AHRR: variants seen among roughly 807,000 people sequenced by gnomAD.
The protein encoded by AHRR is aryl hydrocarbon receptor repressor, also known as ahR repressor.
A neutral mutation model predicts 44.0 loss-of-function variants in AHRR; 28 were observed. The observed-to-expected ratio is 0.64, with a 90% confidence interval of 0.47 to 0.87. AHRR has a LOEUF of 0.87. Ranked by LOEUF, AHRR falls within the 40% of genes least tolerant of loss-of-function variation. AHRR has a pLI of 0.00. For missense variants in AHRR, 990 were observed against 953.9 expected, an observed-to-expected ratio of 1.04 and a Z score of -0.50; for synonymous variants, 434 against 407.0, an observed-to-expected ratio of 1.07 and a Z score of -0.80.
intron 5 of AHRR, 102 bp downstream of exon 5, chr5:413,535 C>A: frequency 1.1e-6 from 1 of 872,004 alleles, no homozygotes; most frequent in Non-Finnish European, 1.8e-6. Flanking sequence ...TAAAATCAGG[C>A]TTTTCCTATC....
intron 3 of AHRR, among the ~76,000 whole-genome samples, chr5:365,174 G>T (rs993549664): frequency 6.6e-6 from 1 of 151,910 alleles, no homozygotes; most frequent in Non-Finnish European, 1.5e-5. Context: ...ACATAAAGCA[G>T]TATACCCCCA....
At chr5:402,535 T>C (rs1007805373) in intron 4 of AHRR, among the ~76,000 whole-genome samples, 8 of 151,844 alleles carry the variant, frequency 5.3e-5, no homozygotes, top group Non-Finnish European at 1.2e-4. Flanking sequence ...GATGAGGGTG[T>C]GGAGAGAAGG....
At chr5:402,453 G>A (rs560990909) in intron 4 of AHRR, among the ~76,000 whole-genome samples, 23 of 124,192 alleles carry the variant, frequency 1.9e-4, no homozygotes, top group African/African-American at 6.8e-4. Flanking sequence ...CACTGTTGGC[G>A]GGAAGGCAGT....
In AHRR at chr5:419,456, T is replaced by C. The variant is rs965752065; in HGVS notation, c.442-3273T>C. ...TGCTGGGATTACAGGCGTGAACCAC[T>C]GTGCCCGGCTGAGAGTTTTAGTCTT... On this transcript the variant is annotated intron_variant, in intron 5 of 10. Transcript: ENST00000684583. The surrounding 1 kb of genome is among the most constrained non-coding windows in gnomAD (Gnocchi z 4.4). 6.6e-6 allele frequency among the ~76,000 whole-genome samples: 1 copy of C among 152,182 alleles called. No individual in the cohort carries two copies. The highest frequency in any genetic ancestry group is 2.4e-5 in the African/African-American group (1 of 41,434).
chr5:437,790 A>C lies in AHRR; in HGVS notation c.*2956A>C, dbSNP rs1015786962. The C allele has an allele frequency of 2.0e-5, 3 of 152,364 alleles. No individual in the cohort carries two copies. Among genetic ancestry groups the C allele is most frequent in the Admixed American group, 6.5e-5 (1 of 15,282 alleles). 9.4% of individuals were successfully genotyped at this position (152,364 alleles called of 1,614,324 possible). A position where few individuals can be genotyped will look rare whatever the true frequency, so the allele number is the denominator to read the frequency against. On this transcript the variant is annotated 3_prime_UTR_variant, in exon 11 of 11. Transcript: ENST00000684583. ...CCCTACAGGAGGCTGCGGCCCTGAG[A>C]GCCTGGGATCAGCGAGGTGTCCGAC...
At position 405,393 on chromosome 5, in the gene AHRR, G is replaced by A. The variant is rs1443888336; in HGVS notation, c.352-7951G>A. 6.6e-6 allele frequency among the ~76,000 whole-genome samples: 1 copy of A among 152,166 alleles called. No individual in the cohort carries two copies. The highest frequency in any genetic ancestry group is 2.4e-5 in the African/African-American group (1 of 41,434). The stretch of plus-strand genomic sequence containing the variant: ...GATAACGATGGGCTTCTTTACTGAT[G>A]CCAAACCGTATAAAGCATTGGCCTA... On this transcript the variant is annotated intron_variant, in intron 4 of 10. Coordinates refer to ENST00000684583, the MANE Select transcript of AHRR (RefSeq NM_001377236.1). The surrounding 1 kb of genome is among the most constrained non-coding windows in gnomAD (Gnocchi z 4.5).
At chr5:345,300 CTGTGTGTGGGGATGTGTGTGTGTG>C (rs1742601381) in intron 2 of AHRR, among the ~76,000 whole-genome samples, 1 of 86,386 alleles carries the variant, frequency 1.2e-5, no homozygotes, top group Non-Finnish European at 2.1e-5. Flanking sequence ...ATGTCCCTGG[CTGTGTGTGGGGATGTGTGTGTGTG>C]TGTGTGTGGG....
chr5:401,677 G>A (rs868431846), intron 4 of AHRR, among the ~76,000 whole-genome samples: 52 of 152,346 alleles, frequency 3.4e-4, no homozygotes, highest in Middle Eastern at 3.4e-3. Flanking sequence ...CCAGCTCTGC[G>A]GGGCACAGAG....
chr5:409,333 C>T (rs2126506557), intron 4 of AHRR, among the ~76,000 whole-genome samples: 1 of 152,326 alleles, frequency 6.6e-6, no homozygotes, highest in Non-Finnish European at 1.5e-5. Context: ...ACCCATTTCC[C>T]TTGATGAAAT....
chr5:414,249 C>T (rs973936605), intron 5 of AHRR, among the ~76,000 whole-genome samples: 14 of 151,864 alleles, frequency 9.2e-5, no homozygotes, highest in South Asian at 6.3e-4. Flanking sequence ...GGTGACAGAG[C>T]GAGACTCCAT....
intron 4 of AHRR, among the ~76,000 whole-genome samples, chr5:399,747 G>A (rs1364680538): frequency 6.6e-6 from 1 of 152,216 alleles, no homozygotes; most frequent in African/African-American, 2.4e-5. Flanking sequence ...GCTGCAGTGG[G>A]CGTCAGGAGG....
chr5:362,338 G>T (rs1028214276), intron 3 of AHRR, among the ~76,000 whole-genome samples: 1 of 152,210 alleles, frequency 6.6e-6, no homozygotes, highest in South Asian at 2.1e-4. Context: ...AAATCATTTT[G>T]TTACAGCAGC....
At chr5:421,203 G>A (rs1579698755) in intron 5 of AHRR, 8 of 666,976 alleles carry the variant, frequency 1.2e-5, no homozygotes, top group Admixed American at 4.3e-5. Flanking sequence ...AGGCCCTTGC[G>A]GACCCAGCGG....
At chr5:353,974 C>A in intron 3 of AHRR, 63 bp downstream of exon 3, 3 of 1,530,718 alleles carry the variant, frequency 2.0e-6, no homozygotes, top group Non-Finnish European at 2.7e-6. Flanking sequence ...CTGAGTCCAT[C>A]TGGGGCCTTG....
intron 1 of AHRR, among the ~76,000 whole-genome samples, chr5:330,151 G>A (rs1741859101): frequency 1.3e-5 from 2 of 152,012 alleles, no homozygotes; most frequent in Admixed American, 6.6e-5. Context: ...TCTGTGCCTA[G>A]TTTTTTGAGG....
At chr5:347,442 T>C (rs752345704) in intron 2 of AHRR, among the ~76,000 whole-genome samples, 16 of 152,236 alleles carry the variant, frequency 1.1e-4, no homozygotes, top group Non-Finnish European at 1.9e-4. Flanking sequence ...TTCAAGTTTA[T>C]AGGAGAATAT....
Position 437,550 on chromosome 5 carries a change from G to A in AHRR, c.*2716G>A, listed in dbSNP as rs1375784350. The A allele has an allele frequency of 6.6e-6, 1 of 152,360 alleles. No individual in the cohort carries two copies. 9.4% of individuals were successfully genotyped at this position (152,360 alleles called of 1,614,324 possible). A position where few individuals can be genotyped will look rare whatever the true frequency, so the allele number is the denominator to read the frequency against. ...CTTCAGTGTCATCAAAGGAGCACTG[G>A]GGCCTCCTTAAGCACAGACGGCAGC... is the stretch of plus-strand genomic sequence containing the variant. On this transcript the variant is annotated 3_prime_UTR_variant, in exon 11 of 11. Transcript: ENST00000684583.
At chr5:327,328 A>G (rs956209184) in intron 1 of AHRR, among the ~76,000 whole-genome samples, 2 of 152,148 alleles carry the variant, frequency 1.3e-5, no homozygotes, top group Non-Finnish European at 2.9e-5. Flanking sequence ...CCATTACCCA[A>G]ATAATGTACA....
intron 4 of AHRR, among the ~76,000 whole-genome samples, chr5:403,308 C>T (rs1017917967): frequency 8.5e-5 from 13 of 152,072 alleles, no homozygotes; most frequent in South Asian, 2.1e-4. Context: ...ACAATGTGGA[C>T]GTGCTTAATG....
Sources: allele counts gnomAD v4.1 joint callset (sites outside exome capture counted in the v4.1 genomes callset), GRCh38; gene constraint gnomAD v4.1.1; non-coding constraint Gnocchi (gnomAD v3.1); transcripts MANE v1.5; gene names NCBI Gene and HGNC (gene_info 2026-07-23, HGNC 2026-07-21).